The following ARHGAP24 variants were observed in gnomAD, a reference collection of about 807,000 sequenced individuals.
ARHGAP24 encodes rho GTPase-activating protein 24.
Under a neutral mutation model 76.4 loss-of-function variants are expected in ARHGAP24, and 50 were observed. The ratio of observed to expected loss-of-function variants is 0.65; its 90% CI spans 0.52 to 0.83. ARHGAP24 has a LOEUF of 0.83. Ranked by LOEUF, ARHGAP24 falls within the 40% of genes least tolerant of loss-of-function variation. ARHGAP24 has a pLI of 0.00. For synonymous variants in ARHGAP24, 345 were observed against 323.3 expected (o/e 1.07, Z -0.72); for missense variants, 930 against 914.2 (o/e 1.02, Z -0.22).
intron 3 of ARHGAP24, among the ~76,000 whole-genome samples, chr4:85,892,248 TC>T (rs1733917815): frequency 2.0e-5 from 1 of 49,062 alleles, no homozygotes; most frequent in Admixed American, 2.0e-4. Flanking sequence ...GATTCTTCTC[TC>T]TTTTTTTCTT....
At chr4:85,797,525 A>G (rs952067504) in intron 3 of ARHGAP24, among the ~76,000 whole-genome samples, 5 of 152,204 alleles carry the variant, frequency 3.3e-5, no homozygotes, top group African/African-American at 1.2e-4. Flanking sequence ...AGCAGGCAAA[A>G]GGATTAATTT....
chr4:85,976,855 T>TCA (rs370196223), intron 7 of ARHGAP24, among the ~76,000 whole-genome samples: 6,265 of 150,728 alleles, frequency 0.042, 465 homozygotes, highest in African/African-American at 0.15. Context: ...CAATCTTGGC[T>TCA]CACTGCAACC....
At chr4:85,627,027 C>G (rs1191771577) in intron 2 of ARHGAP24, among the ~76,000 whole-genome samples, 2 of 152,110 alleles carry the variant, frequency 1.3e-5, no homozygotes, top group African/African-American at 4.8e-5. Context: ...CGAATTTCCT[C>G]CTGTAGCTTG....
Position 85,952,823 on chromosome 4 carries a change from A to T in ARHGAP24, c.599+10550A>T, listed in dbSNP as rs143969674. Among the ~76,000 whole-genome samples, 62 of 152,328 alleles carry T rather than the reference A, an allele frequency of 4.1e-4. 1 individual carries two copies. The highest frequency in any genetic ancestry group is 1.5e-3 in the African/African-American group (62 of 41,572). ...TTCAGTTCCTGTCAACTGTAAAAACAAACAAACAAAAGAAAACAGATATCA... is the reference window on the plus strand; with the variant it reads ...TTCAGTTCCTGTCAACTGTAAAAACTAACAAACAAAAGAAAACAGATATCA... On this transcript the variant is annotated intron_variant, in intron 5 of 9. Coordinates refer to ENST00000395184, the MANE Select transcript of ARHGAP24 (RefSeq NM_001025616.3).
chr4:85,727,516 G>T (rs1725214338), intron 3 of ARHGAP24, among the ~76,000 whole-genome samples: 1 of 152,116 alleles, frequency 6.6e-6, no homozygotes, highest in African/African-American at 2.4e-5. Context: ...TTCCAGCAGT[G>T]ATCTTCCTTA....
chr4:85,530,912 T>C (rs1424424052), intron 1 of ARHGAP24, among the ~76,000 whole-genome samples: 1 of 152,072 alleles, frequency 6.6e-6, no homozygotes, highest in African/African-American at 2.4e-5. Flanking sequence ...TTGCATAATG[T>C]GCAGGGACTG....
At chr4:85,512,858 T>C (rs1181214090) in intron 1 of ARHGAP24, among the ~76,000 whole-genome samples, 1 of 152,162 alleles carries the variant, frequency 6.6e-6, no homozygotes, top group African/African-American at 2.4e-5. Flanking sequence ...AAAAAGAAGT[T>C]CAAGTGAATT....
At chr4:85,654,796 G>T (rs1224532649) in intron 2 of ARHGAP24, among the ~76,000 whole-genome samples, 1 of 152,102 alleles carries the variant, frequency 6.6e-6, no homozygotes, top group Non-Finnish European at 1.5e-5. Context: ...TATATAGTCA[G>T]ATTTATAACA....
chr4:85,933,940 C>T (rs1442635495), intron 4 of ARHGAP24, among the ~76,000 whole-genome samples: 2 of 152,220 alleles, frequency 1.3e-5, no homozygotes, highest in Admixed American at 1.3e-4. Context: ...TGATCATTCA[C>T]CATTGCTTCT....
At chr4:85,797,436 G>A (rs894739547) in intron 3 of ARHGAP24, among the ~76,000 whole-genome samples, 14 of 152,326 alleles carry the variant, frequency 9.2e-5, no homozygotes, top group Admixed American at 4.6e-4. Context: ...GCCTCCCAAA[G>A]TGCTGGGATT....
intron 1 of ARHGAP24, among the ~76,000 whole-genome samples, chr4:85,503,282 A>G (rs1401232395): frequency 2.6e-5 from 4 of 152,192 alleles, no homozygotes; most frequent in Non-Finnish European, 4.4e-5. Flanking sequence ...GAATAGTTTC[A>G]GAAGGAATGG....
chr4:85,673,240 G>GCAGTCCT (rs1722869809), intron 2 of ARHGAP24, among the ~76,000 whole-genome samples: 2 of 152,132 alleles, frequency 1.3e-5, no homozygotes, highest in Non-Finnish European at 1.5e-5. Context: ...CTGCACTTGG[G>GCAGTCCT]CAGTCCTTAT....
intron 3 of ARHGAP24, among the ~76,000 whole-genome samples, chr4:85,737,580 C>G (rs1725651171): frequency 6.6e-6 from 1 of 152,138 alleles, no homozygotes. Context: ...TGCAATATTG[C>G]CATGTTCTTG....
intron 3 of ARHGAP24, among the ~76,000 whole-genome samples, chr4:85,854,578 T>G (rs929400192): frequency 1.3e-5 from 2 of 152,230 alleles, no homozygotes; most frequent in Non-Finnish European, 2.9e-5. Context: ...TTCCAAAATT[T>G]TATAAACCTA....
At chr4:85,905,900 C>T (rs1316865415) in intron 3 of ARHGAP24, among the ~76,000 whole-genome samples, 2 of 152,094 alleles carry the variant, frequency 1.3e-5, no homozygotes, top group Non-Finnish European at 1.5e-5. Flanking sequence ...TTGGTTTGTT[C>T]GTGGCACTGT....
At chr4:85,543,439 G>C (rs1725787144) in intron 1 of ARHGAP24, among the ~76,000 whole-genome samples, 1 of 152,166 alleles carries the variant, frequency 6.6e-6, no homozygotes, top group Admixed American at 6.5e-5. Context: ...ACAGACTAAA[G>C]AAATGTTTTG....
chr4:85,878,173 TA>T (rs1733040290), intron 3 of ARHGAP24, among the ~76,000 whole-genome samples: 1 of 152,112 alleles, frequency 6.6e-6, no homozygotes, highest in South Asian at 2.1e-4. Context: ...AACAGAGAGT[TA>T]GATTAGATAG....
At chr4:85,519,771 CT>C (rs1255137294) in intron 1 of ARHGAP24, among the ~76,000 whole-genome samples, 2 of 151,966 alleles carry the variant, frequency 1.3e-5, no homozygotes, top group African/African-American at 4.8e-5. Context: ...GTTAAATGGT[CT>C]TTTACTTCTC....
rs533377096 is a variant in ARHGAP24, at chr4:85,994,015, G to C, written c.929-568G>C. Among the ~76,000 whole-genome samples the C allele has an allele frequency of 5.9e-5, 9 of 152,226 alleles. No individual in the cohort carries two copies. In the East Asian group the frequency reaches 1.7e-3, roughly 29 times the overall value. On this transcript the variant is annotated intron_variant, in intron 8 of 9. Coordinates refer to ENST00000395184, the MANE Select transcript of ARHGAP24 (RefSeq NM_001025616.3). ...TCGCTTAAAATGCCCTGAAGTTTTT[G>C]AATGGTGAACAAAAGTCTTATGGAT...
Sources: gnomAD v4.1 joint callset for allele counts (sites outside exome capture counted in the v4.1 genomes callset) on GRCh38, gnomAD v4.1.1 for gene constraint, MANE v1.5 for transcripts, NCBI Gene and HGNC (gene_info 2026-07-23, HGNC 2026-07-21) for gene names.